HDAC9: variants seen among roughly 807,000 people sequenced by gnomAD.
HDAC9 encodes MEF-2 interacting transcription repressor (MITR) protein.
HDAC9 carries 41 observed loss-of-function variants against 139.4 expected under a neutral mutation model. The observed-to-expected ratio is 0.29, with a 90% CI of 0.23 to 0.38. HDAC9 has a LOEUF of 0.38. Among genes scored for constraint, HDAC9 ranks in the 10% least tolerant of loss-of-function variants. The probability of loss-of-function intolerance (pLI) is 1.00; values close to 1 mark genes in which losing one functional copy is unlikely to be tolerated. For synonymous variants in HDAC9, 517 were observed against 476.2 expected, an observed-to-expected ratio of 1.09 and a Z score of -1.12; for missense variants, 1,147 against 1,297.0, an observed-to-expected ratio of 0.88 and a Z score of 1.78.
intron 21 of HDAC9, among the ~76,000 whole-genome samples, chr7:18,840,893 G>A (rs572712576): frequency 8.5e-5 from 13 of 152,110 alleles, no homozygotes; most frequent in South Asian, 6.2e-4. Flanking sequence ...CATGGCTTCC[G>A]GGGATTCCTC....
chr7:18,958,755 C>T (rs1487030935), intron 24 of HDAC9, among the ~76,000 whole-genome samples: 1 of 152,080 alleles, frequency 6.6e-6, no homozygotes, highest in African/African-American at 2.4e-5. Flanking sequence ...TGTAACTAAC[C>T]TCACATATTT....
chr7:18,531,258 TG>T (rs1808837916), intron 2 of HDAC9, among the ~76,000 whole-genome samples: 1 of 152,136 alleles, frequency 6.6e-6, no homozygotes, highest in Non-Finnish European at 1.5e-5. Flanking sequence ...GAGATATGTG[TG>T]GATCTGAATG....
intron 1 of HDAC9, among the ~76,000 whole-genome samples, chr7:18,363,740 A>G (rs1470795850): frequency 6.6e-6 from 1 of 152,178 alleles, no homozygotes; most frequent in Non-Finnish European, 1.5e-5. Context: ...AGACATAAAT[A>G]GAGACAAACG....
chr7:18,229,132 T>A (rs1418218208), intron 2 of HDAC9, among the ~76,000 whole-genome samples: 2 of 152,242 alleles, frequency 1.3e-5, no homozygotes, highest in African/African-American at 4.8e-5. Context: ...AATTCACTTC[T>A]AACCTCATAC....
chr7:18,874,083 T>C (rs1335628077), intron 21 of HDAC9, among the ~76,000 whole-genome samples: 3 of 152,058 alleles, frequency 2.0e-5, no homozygotes, highest in East Asian at 1.9e-4. Context: ...TCTCACTAAC[T>C]GGAGCAAGCC....
At chr7:18,774,498 A>G (rs3844320) in intron 16 of HDAC9, among the ~76,000 whole-genome samples, 41,750 of 151,974 alleles carry the variant, frequency 0.27, 7,042 homozygotes, top group East Asian at 0.61. Flanking sequence ...AGTGTATACT[A>G]AACTTATGTT....
In HDAC9 at chr7:18,523,378, G is replaced by A. The variant is rs1805708423; in HGVS notation, c.22+27054G>A. Among the ~76,000 whole-genome samples the A allele has an allele frequency of 2.0e-5, 3 of 152,342 alleles. No homozygotes were observed. The South Asian group carries it at 6.2e-4, about 32-fold the overall frequency. ...AAGGAATAGGGAGAGAATAGTAAGA[G>A]TGAACTGGAAGGACCAGAAAGAGAT... is the stretch of plus-strand genomic sequence containing the variant. On this transcript the variant is annotated intron_variant, in intron 2 of 25. Coordinates refer to ENST00000686413, the MANE Select transcript of HDAC9 (RefSeq NM_178425.4).
At chr7:18,145,218 A>G (rs1165205186) in intron 1 of HDAC9, among the ~76,000 whole-genome samples, 1 of 152,236 alleles carries the variant, frequency 6.6e-6, no homozygotes, top group Non-Finnish European at 1.5e-5. Flanking sequence ...TGTGAATTAG[A>G]CAGACATAAT....
chr7:18,197,271 A>G (rs1048786379), intron 2 of HDAC9, among the ~76,000 whole-genome samples: 2 of 152,150 alleles, frequency 1.3e-5, no homozygotes, highest in Non-Finnish European at 2.9e-5. Context: ...GAGAACCCTG[A>G]CTAATACGCG....
rs1785069625 is a variant in HDAC9 at position 18,377,333 on chromosome 7, A to G, written c.-42+86818A>G. ...TCCTAATACCATCACATTGGAGGTT[A>G]GAATTTTAACGTATTCAGTATATAG... On this transcript the variant is annotated intron_variant, in intron 1 of 3. Coordinates refer to the HDAC9 transcript ENST00000413509. Among the ~76,000 whole-genome samples the G allele has an allele frequency of 3.9e-5, 6 of 152,206 alleles. No individual in the cohort carries two copies. The South Asian group carries it at 1.2e-3, about 32-fold the overall frequency.
At chr7:18,488,048 A>C (rs1796101207) in intron 1 of HDAC9, among the ~76,000 whole-genome samples, 2 of 152,084 alleles carry the variant, frequency 1.3e-5, no homozygotes, top group South Asian at 4.1e-4. Flanking sequence ...GTGGAATAAA[A>C]TAAACTTTTG....
chr7:18,422,203 A>C (rs922245516), intron 1 of HDAC9, among the ~76,000 whole-genome samples: 2 of 152,176 alleles, frequency 1.3e-5, no homozygotes, highest in Non-Finnish European at 2.9e-5. Context: ...AGTGGCCAAT[A>C]AAATGGCAAG....
intron 1 of HDAC9, among the ~76,000 whole-genome samples, chr7:18,393,699 A>T (rs529576679): frequency 2.2e-4 from 33 of 152,104 alleles, no homozygotes; most frequent in Non-Finnish European, 4.7e-4. Flanking sequence ...ACCCTGACAG[A>T]GCTGCTTTTA....
intron 21 of HDAC9, among the ~76,000 whole-genome samples, chr7:18,855,533 A>G (rs1797612842): frequency 6.6e-6 from 1 of 152,016 alleles, no homozygotes; most frequent in South Asian, 2.1e-4. Context: ...CACTGTTCAC[A>G]GTTCATGGCA....
intron 1 of HDAC9, among the ~76,000 whole-genome samples, chr7:18,314,377 A>G (rs1259646203): frequency 2.0e-5 from 3 of 152,192 alleles, no homozygotes; most frequent in African/African-American, 4.8e-5. Flanking sequence ...CAAGACAGAA[A>G]AACAGGAAAA....
At chr7:18,811,028 T>A (rs1234320783) in intron 17 of HDAC9, among the ~76,000 whole-genome samples, 1 of 151,868 alleles carries the variant, frequency 6.6e-6, no homozygotes, top group East Asian at 1.9e-4. Context: ...CTTAACTGTA[T>A]GTGTATTTTA....
chr7:18,794,793 T>C (rs1450532778), intron 17 of HDAC9, among the ~76,000 whole-genome samples: 1 of 152,230 alleles, frequency 6.6e-6, no homozygotes, highest in African/African-American at 2.4e-5. Context: ...GAACATCTTA[T>C]TTTAAAAAGA....
chr7:18,603,453 C>T (rs978196302), intron 6 of HDAC9, among the ~76,000 whole-genome samples: 2 of 151,978 alleles, frequency 1.3e-5, no homozygotes, highest in Non-Finnish European at 2.9e-5. Flanking sequence ...ATCAATTTTA[C>T]CTCTTTTAAA....
At chr7:18,314,365 C>G (rs1799504939) in intron 1 of HDAC9, among the ~76,000 whole-genome samples, 1 of 152,084 alleles carries the variant, frequency 6.6e-6, no homozygotes, top group Admixed American at 6.5e-5. Context: ...GCTGAAAAAT[C>G]CCAAGACAGA....
Sources: allele counts gnomAD v4.1 joint callset (sites outside exome capture counted in the v4.1 genomes callset), GRCh38; gene constraint gnomAD v4.1.1; transcripts MANE v1.5; gene names NCBI Gene and HGNC (gene_info 2026-07-23, HGNC 2026-07-21).